FAM186A: variants seen among roughly 807,000 people sequenced by gnomAD.
The protein encoded by FAM186A is protein FAM186A.
Under a neutral mutation model 216.8 loss-of-function variants are expected in FAM186A, and 163 were observed. The ratio of observed to expected loss-of-function variants is 0.75; its 90% CI spans 0.66 to 0.86. The LOEUF (loss-of-function observed/expected upper bound fraction) is 0.86, where lower values mean the gene tolerates loss of function less well. FAM186A is among the 40% of genes least tolerant of loss of function. The pLI, the probability that FAM186A is intolerant of heterozygous loss-of-function variation, is 0.00. For synonymous variants in FAM186A, 805 were observed against 1,025.3 expected, an observed-to-expected ratio of 0.79 and a Z score of 4.10; for missense variants, 2,184 against 2,746.2, an observed-to-expected ratio of 0.80 and a Z score of 4.58.
At chr12:50,328,638 G>T (rs1942627621) in intron 7 of FAM186A, among the ~76,000 whole-genome samples, 1 of 152,044 alleles carries the variant, frequency 6.6e-6, no homozygotes, top group African/African-American at 2.4e-5. Flanking sequence ...CTCCTGAGTA[G>T]CTGGGACTAC....
rs1385138299 is a variant in FAM186A at position 50,356,181 on chromosome 12, AG to A, written c.650del (p.Ala217ValfsTer2). ...RVIKRPSTAR[A>X]LRPDQMISDQ... ...CACTAATCATCTGATCTGGTCTTAA[AG>A]CACGGGCTGTTGAAGGTCGTTTTAT... is the stretch of plus-strand genomic sequence containing the variant. On this transcript the variant is annotated frameshift_variant, in exon 4 of 8. Coordinates refer to ENST00000327337, the MANE Select transcript of FAM186A (RefSeq NM_001145475.3). LOFTEE classifies it high-confidence loss of function. 2 of 1,551,608 alleles carry A rather than the reference AG, an allele frequency of 1.3e-6. No homozygotes were observed. The highest frequency in any genetic ancestry group is 4.9e-5 in the East Asian group (2 of 40,910).
intron 1 of FAM186A, among the ~76,000 whole-genome samples, chr12:50,380,494 G>T (rs1943243725): frequency 8.3e-6 from 1 of 120,612 alleles, no homozygotes; most frequent in South Asian, 2.6e-4. Flanking sequence ...TGGCCAACAT[G>T]ATGAAACCCT....
Position 50,328,609 on chromosome 12 carries a change from G to A in FAM186A, c.7035-1205C>T, listed in dbSNP as rs572633228. On this transcript the variant is annotated intron_variant, in intron 7 of 7. Transcript: ENST00000327337. ...TGCAACCTCTGCCTCCCAGACTCAA[G>A]CCATTCTCATGCCTCAGCCTCCTGA... 8.3e-4 allele frequency among the ~76,000 whole-genome samples: 127 copies of A among 152,200 alleles called. 1 individual carries two copies. The highest frequency in any genetic ancestry group is 1.6e-3 in the Non-Finnish European group (109 of 68,012).
intron 4 of FAM186A, among the ~76,000 whole-genome samples, chr12:50,344,521 A>T (rs958747163): frequency 1.3e-5 from 2 of 152,156 alleles, no homozygotes; most frequent in Admixed American, 6.6e-5. Flanking sequence ...TCCACCACTG[A>T]TGTGTACCTA....
intron 1 of FAM186A, among the ~76,000 whole-genome samples, chr12:50,378,148 C>T (rs528983596): frequency 1.6e-3 from 237 of 151,568 alleles, no homozygotes; most frequent in African/African-American, 5.6e-3. Flanking sequence ...TTGCTTGAAC[C>T]GGGAGGCGGA....
chr12:50,353,653 C>T lies in FAM186A; in HGVS notation c.3179G>A (p.Gly1060Glu). The change falls in exon 4 of 8, where the codon GGA (glycine) becomes GAA (glutamate). Residue 1060 changes from glycine (G) to glutamate (E), a missense_variant. Physicochemically the swap from Gly to Glu is moderately conservative, Grantham distance 98. Coordinates refer to ENST00000327337, the MANE Select transcript of FAM186A (RefSeq NM_001145475.3). Reference sequence around the variant, plus strand: ...AGGCTGGCCAGAAATAGGAAGAGCTCCAGGCAGGGAGTATTGTAGGGAGGG... The same window carrying T: ...AGGCTGGCCAGAAATAGGAAGAGCTTCAGGCAGGGAGTATTGTAGGGAGGG... ...PPPSLQYSLP[G>E]ALPISGQPLT... is the part of the protein sequence containing the mutation. 6.5e-7 allele frequency: 1 copy of T among 1,535,984 alleles called. No individual in the cohort carries two copies. Among genetic ancestry groups the T allele is most frequent in the Non-Finnish European group, 8.8e-7 (1 of 1,140,818 alleles).
chr12:50,364,262 T>A (rs1013723682), intron 1 of FAM186A, among the ~76,000 whole-genome samples: 15 of 151,996 alleles, frequency 9.9e-5, no homozygotes, highest in Non-Finnish European at 1.8e-4. Flanking sequence ...CCTTTTAAAA[T>A]ATAAACACAA....
chr12:50,371,316 A>G (rs1304968775), intron 1 of FAM186A, among the ~76,000 whole-genome samples: 2 of 151,864 alleles, frequency 1.3e-5, no homozygotes. Context: ...ACGGGGTTTC[A>G]CCATCTTGGC....
At chr12:50,392,514 T>G (rs1219703894) in intron 1 of FAM186A, 1 of 151,824 alleles carries the variant, frequency 6.6e-6, no homozygotes, top group Non-Finnish European at 1.5e-5. Flanking sequence ...CTCCTGACCT[T>G]GTAATACGCC....
At chr12:50,349,802 C>A (rs1462897271) in intron 4 of FAM186A, among the ~76,000 whole-genome samples, 1 of 152,074 alleles carries the variant, frequency 6.6e-6, no homozygotes, top group African/African-American at 2.4e-5. Flanking sequence ...CAGGTGCACG[C>A]AACCATGCCT....
rs1272953150 is a variant in FAM186A, at chr12:50,331,721, AAGAATGGCTT to A, written c.6787_6796del (p.Lys2263Ter). 12 of 1,549,672 alleles carry A rather than the reference AAGAATGGCTT, an allele frequency of 7.7e-6. No homozygotes were observed. In the African/African-American group the frequency reaches 1.4e-4, roughly 18 times the overall value. On this transcript the variant is annotated frameshift_variant, in exon 6 of 8. Transcript: ENST00000327337. LOFTEE classifies it high-confidence loss of function. ...TCTGTCCTCTTCCATTAGTAATTTT[AAGAATGGCTT>A]TTGAACAAATGTGGTAGAGGCAGGT...
In FAM186A at chr12:50,356,262, C is replaced by T; in HGVS notation, c.584-14G>A. ...TACCTCTAGATACTGAAGAACAAAA[C>T]ATAAAACAGTGAGATGGCATTTTTT... is the stretch of plus-strand genomic sequence containing the variant. On this transcript the variant is annotated splice_polypyrimidine_tract_variant and intron_variant, in intron 3 of 7. Coordinates refer to ENST00000327337, the MANE Select transcript of FAM186A (RefSeq NM_001145475.3). 1 of 1,504,222 alleles carries T rather than the reference C, an allele frequency of 6.6e-7. No homozygotes were observed. Among genetic ancestry groups the T allele is most frequent in the Non-Finnish European group, 8.9e-7 (1 of 1,129,826 alleles). The allele number at this position is 1,504,222 out of a possible 1,614,324, so 93.2% of individuals were successfully genotyped here. A position where few individuals can be genotyped will look rare whatever the true frequency, so the allele number is the denominator to read the frequency against.
chr12:50,348,838 G>A (rs1158646343), intron 4 of FAM186A, among the ~76,000 whole-genome samples: 2 of 152,154 alleles, frequency 1.3e-5, no homozygotes, highest in Non-Finnish European at 2.9e-5. Flanking sequence ...TTACAGATGT[G>A]AGCAACCACG....
intron 1 of FAM186A, among the ~76,000 whole-genome samples, chr12:50,372,312 C>T (rs920383216): frequency 6.6e-6 from 1 of 151,820 alleles, no homozygotes; most frequent in Admixed American, 6.6e-5. Flanking sequence ...GAAATAAATA[C>T]GCCAGGTGCA....
Position 50,350,755 on chromosome 12 carries a change from A to G in FAM186A, c.6077T>C (p.Val2026Ala). 6.4e-7 allele frequency: 1 copy of G among 1,551,632 alleles called. No homozygotes were observed. Among genetic ancestry groups the G allele is most frequent in the Non-Finnish European group, 8.7e-7 (1 of 1,146,984 alleles). The change falls in exon 4 of 8, where the codon GTA becomes GCA. Residue 2026 changes from valine to alanine, a missense_variant. Coordinates refer to ENST00000327337, the MANE Select transcript of FAM186A (RefSeq NM_001145475.3). Reference sequence around the variant, plus strand: ...TTCATCAGTGTAAGGGGTTTGGTATACTGGTGTCCTATATTTGGTGAAATG... The same window carrying G: ...TTCATCAGTGTAAGGGGTTTGGTATGCTGGTGTCCTATATTTGGTGAAATG... ...QSHFTKYRTP[V>A]YQTPYTDERA...
rs1565887150 is a variant in FAM186A, at chr12:50,355,313, T to G, written c.1519A>C (p.Lys507Gln). 6.4e-7 allele frequency: 1 copy of G among 1,550,422 alleles called. No individual in the cohort carries two copies. The highest frequency in any genetic ancestry group is 2.4e-5 in the East Asian group (1 of 40,916). ...TTTGATTTATCTTCAGAAAAGGATT[T>G]CATTTCTTTTCTTTTCTTTTTCAGT... is the stretch of plus-strand genomic sequence containing the variant. Reference protein sequence around the residue: ...QVLKKKRKEMKSFSEDKSKSP... With the variant: ...QVLKKKRKEMQSFSEDKSKSP... The change falls in exon 4 of 8, where the codon AAA becomes CAA. Residue 507 changes from lysine to glutamine, a missense_variant. By Grantham distance (53) the Lys-to-Gln change is moderately conservative. Coordinates refer to ENST00000327337, the MANE Select transcript of FAM186A (RefSeq NM_001145475.3).
At chr12:50,346,220 GGAA>G (rs1565881640) in intron 4 of FAM186A, among the ~76,000 whole-genome samples, 792 of 46,722 alleles carry the variant, frequency 0.017, 32 homozygotes, top group South Asian at 0.025. Flanking sequence ...AGAGAGAGAA[GGAA>G]AGAAAGAAAG....
At chr12:50,394,732 C>CTTTTTTGTTTTTTTTT (rs1943396362) in intron 1 of FAM186A, among the ~76,000 whole-genome samples, 1 of 29,384 alleles carries the variant, frequency 3.4e-5, no homozygotes, top group Non-Finnish European at 5.6e-5. Context: ...GGCTAACACT[C>CTTTTTTGTTTTTTTTT]TTTTTTTTTT....
Position 50,331,833 on chromosome 12 carries a change from A to G in FAM186A, c.6697-12T>C, listed in dbSNP as rs948020619. On this transcript the variant is annotated splice_polypyrimidine_tract_variant and intron_variant, in intron 5 of 7. Transcript: ENST00000327337. ...TGTATCTTTTTGAGCTATAAAAAAA[A>G]ATAGATCAGAAAAAGGAAACCATGA... is the stretch of plus-strand genomic sequence containing the variant. 1.7e-5 allele frequency: 26 copies of G among 1,513,846 alleles called. No homozygotes were observed. Among genetic ancestry groups the G allele is most frequent in the Non-Finnish European group, 2.3e-5 (26 of 1,136,110 alleles). 93.8% of individuals were successfully genotyped at this position (1,513,846 alleles called of 1,614,324 possible).
Sources: allele counts gnomAD v4.1 joint callset (sites outside exome capture counted in the v4.1 genomes callset), GRCh38; gene constraint gnomAD v4.1.1; transcripts MANE v1.5; gene names NCBI Gene and HGNC (gene_info 2026-07-23, HGNC 2026-07-21).